FAXDC2: variants seen among roughly 807,000 people sequenced by gnomAD.
FAXDC2 encodes fatty acid hydroxylase domain containing 2, also known as fatty acid hydroxylase domain-containing protein 2.
FAXDC2 carries 41 observed loss-of-function variants against 40.9 expected under a neutral mutation model. The observed-to-expected ratio is 1.00, with a 90% confidence interval of 0.78 to 1.30. The LOEUF (loss-of-function observed/expected upper bound fraction) is 1.30, where lower values mean the gene tolerates loss of function less well. Ranked by LOEUF, FAXDC2 falls within the 50% of genes most tolerant of loss-of-function variation. FAXDC2 has a pLI of 0.00. For synonymous variants in FAXDC2, 157 were observed against 149.3 expected (o/e 1.05, Z -0.38); for missense variants, 390 against 408.8 (o/e 0.95, Z 0.40).
chr5:154,842,885 T>C (rs114961278), intron 1 of FAXDC2, among the ~76,000 whole-genome samples: 1,723 of 149,980 alleles, frequency 0.011, 33 homozygotes, highest in African/African-American at 0.04. Context: ...CTGAGGCTGG[T>C]CTCTAACTCC....
chr5:154,844,986 A>G (rs762583368), intron 1 of FAXDC2, among the ~76,000 whole-genome samples: 3 of 152,198 alleles, frequency 2.0e-5, no homozygotes, highest in Non-Finnish European at 4.4e-5. Flanking sequence ...TGGTGGTGAG[A>G]AGGCTTCTCG....
intron 8 of FAXDC2, chr5:154,820,731 C>T: frequency 2.7e-6 from 1 of 370,316 alleles, no homozygotes; most frequent in Non-Finnish European, 5.1e-6. Context: ...GTCTGAGAAT[C>T]TCTAGCAGAA....
At chr5:154,843,009 A>G (rs1261220216) in intron 1 of FAXDC2, among the ~76,000 whole-genome samples, 1 of 152,146 alleles carries the variant, frequency 6.6e-6, no homozygotes, top group African/African-American at 2.4e-5. Flanking sequence ...GTCAAAAGAA[A>G]CACCTCAACT....
chr5:154,830,718 C>T (rs1239974829), intron 5 of FAXDC2, 83 bp downstream of exon 5: 7 of 1,545,042 alleles, frequency 4.5e-6, no homozygotes, highest in Middle Eastern at 3.4e-4. Flanking sequence ...CCAGGTCTCT[C>T]CTGGGCCAGT....
intron 5 of FAXDC2, among the ~76,000 whole-genome samples, chr5:154,827,421 TTGTG>T (rs10528622): frequency 0.019 from 2,622 of 138,668 alleles, 31 homozygotes; most frequent in East Asian, 0.053. Context: ...TTCTGTTATT[TTGTG>T]TGTGTGTGTG....
rs183714989 is a variant in FAXDC2, at chr5:154,820,488, C to T, written c.846-16G>A. The T allele has an allele frequency of 2.5e-4, 401 of 1,598,854 alleles. 3 individuals carry two copies. In the African/African-American group the frequency reaches 3.8e-3, roughly 15 times the overall value. On this transcript the variant is annotated splice_polypyrimidine_tract_variant and intron_variant, in intron 8 of 8. Transcript: ENST00000326080. ...CTGGTTGAACCTAGAAGAGAGAGGA[C>T]GGCACTGCAGTGCCCATGCTGGAGG...
intron 8 of FAXDC2, 126 bp from the exon 9 acceptor site, chr5:154,820,598 C>T: frequency 1.4e-6 from 1 of 705,950 alleles, no homozygotes; most frequent in East Asian, 3.1e-5. Context: ...CCATCCTGAC[C>T]ATCTGCATCA....
chr5:154,838,131 C>T lies in FAXDC2; in HGVS notation c.48G>A (p.Gln16=), dbSNP rs747557330. The part of the protein sequence containing the change: ...GHMLHNEKSK[Q]EGHIWGSMRR... ...TTGGGGGCAAGGTGCTGGCATTTACCTGCTTTGACTTTTCATTGTGTAGCA... is the reference window on the plus strand; with the variant it reads ...TTGGGGGCAAGGTGCTGGCATTTACTTGCTTTGACTTTTCATTGTGTAGCA... The change falls in exon 2 of 9, where the codon CAG becomes CAA. Residue 16 remains glutamine (Q), a splice_region_variant and synonymous_variant. Coordinates refer to ENST00000326080, the MANE Select transcript of FAXDC2 (RefSeq NM_032385.5). 1.9e-6 allele frequency: 3 copies of T among 1,610,660 alleles called. No homozygotes were observed. The highest frequency in any genetic ancestry group is 4.5e-5 in the East Asian group (2 of 44,862).
At chr5:154,841,546 T>C (rs983219730) in intron 1 of FAXDC2, among the ~76,000 whole-genome samples, 2 of 152,132 alleles carry the variant, frequency 1.3e-5, no homozygotes, top group African/African-American at 4.8e-5. Context: ...ACAGACATTA[T>C]TTAATAAATT....
At chr5:154,837,721 G>A (rs1760386146) in intron 2 of FAXDC2, among the ~76,000 whole-genome samples, 1 of 152,142 alleles carries the variant, frequency 6.6e-6, no homozygotes, top group East Asian at 1.9e-4. Flanking sequence ...TCTGTGAAGT[G>A]CAGGAAAACG....
At position 154,820,373 on chromosome 5, in the gene FAXDC2, C is replaced by A. The variant is rs1017789522; in HGVS notation, c.945G>T (p.Leu315=). 6.2e-7 allele frequency: 1 copy of A among 1,613,352 alleles called. No individual in the cohort carries two copies. Among genetic ancestry groups the A allele is most frequent in the Admixed American group, 1.7e-5 (1 of 59,982 alleles). ...QTKAYERHVL[L]LGFTPLSESI... Reference sequence around the variant, plus strand: ...TCTCAGAGAGCGGGGTGAAGCCCAGCAGGAGGACATGTCTCTCGTAGGCCT... The same window carrying A: ...TCTCAGAGAGCGGGGTGAAGCCCAGAAGGAGGACATGTCTCTCGTAGGCCT... Residue 315 remains leucine, a synonymous_variant, in exon 9 of 9, where the codon CTG becomes CTT. Transcript: ENST00000326080.
At chr5:154,828,922 CTTTTTTTT>C (rs374113320) in intron 5 of FAXDC2, among the ~76,000 whole-genome samples, 1 of 132,488 alleles carries the variant, frequency 7.5e-6, no homozygotes, top group African/African-American at 2.8e-5. Flanking sequence ...TTCTTTTTTT[CTTTTTTTT>C]TTTTTTTGAG....
At chr5:154,834,590 C>T (rs1195251491) in intron 4 of FAXDC2, 35 bp downstream of exon 4, 5 of 1,373,960 alleles carry the variant, frequency 3.6e-6, no homozygotes, top group East Asian at 2.3e-5. Flanking sequence ...AATCATGCAC[C>T]CACATGCTAG....
At chr5:154,835,130 GTGTGTT>G in intron 2 of FAXDC2, 196 bp from the exon 3 acceptor site, 1 of 542,646 alleles carries the variant, frequency 1.8e-6, no homozygotes, top group South Asian at 2.3e-5. Context: ...CTGTACATGG[GTGTGTT>G]TATGAAAATT....
chr5:154,823,507 T>C lies in FAXDC2; in HGVS notation c.452A>G (p.Tyr151Cys). ...GTCTCTCCACCATTTGAGGAAGGGA[T>C]AGAGGAAGACCACCATGGGGAAAGA... ...MISFPMVVFLYPFLKWWRDPC... is the reference protein window; with the variant it reads ...MISFPMVVFLCPFLKWWRDPC... The change falls in exon 6 of 9, where the codon TAT becomes TGT. Residue 151 changes from tyrosine to cysteine, a missense_variant. Coordinates refer to ENST00000326080, the MANE Select transcript of FAXDC2 (RefSeq NM_032385.5). 2.5e-6 allele frequency: 4 copies of C among 1,614,082 alleles called. No homozygotes were observed. The highest frequency in any genetic ancestry group is 1.3e-5 in the African/African-American group (1 of 75,008).
chr5:154,848,361 C>A (rs2113177019), intron 1 of FAXDC2, among the ~76,000 whole-genome samples: 1 of 152,306 alleles, frequency 6.6e-6, no homozygotes, highest in Non-Finnish European at 1.5e-5. Context: ...CTGGCAAAAT[C>A]TAGGCTTCTT....
chr5:154,827,335 A>G (rs567768852), intron 5 of FAXDC2, among the ~76,000 whole-genome samples: 11 of 151,788 alleles, frequency 7.2e-5, no homozygotes, highest in South Asian at 6.3e-4. Flanking sequence ...CAAAACCCAA[A>G]TAAGAGTGGA....
At position 154,823,461 on chromosome 5, in the gene FAXDC2, G is replaced by T; in HGVS notation, c.498C>A (p.Pro166=). ...WWRDPCRREL[P]TFHWFLLELA... Reference sequence around the variant, plus strand: ...GCTCCAGGAGGAACCAGTGGAAGGTGGGTAGCTCACGGCGGCAGGGGTCTC... The same window carrying T: ...GCTCCAGGAGGAACCAGTGGAAGGTTGGTAGCTCACGGCGGCAGGGGTCTC... Residue 166 remains proline, a synonymous_variant, in exon 6 of 9, where the codon CCC becomes CCA. Transcript: ENST00000326080. The T allele has an allele frequency of 1.2e-6, 2 of 1,614,210 alleles. No homozygotes were observed. Among genetic ancestry groups the T allele is most frequent in the Non-Finnish European group, 1.7e-6 (2 of 1,180,042 alleles).
intron 4 of FAXDC2, 145 bp from the exon 5 acceptor site, chr5:154,831,067 T>C: frequency 1.1e-6 from 1 of 872,618 alleles, no homozygotes; most frequent in Non-Finnish European, 1.7e-6. Flanking sequence ...ACCAAGGGGT[T>C]ACCTGTAGTC....
Sources: gnomAD v4.1 joint callset for allele counts (sites outside exome capture counted in the v4.1 genomes callset) on GRCh38, gnomAD v4.1.1 for gene constraint, MANE v1.5 for transcripts, NCBI Gene and HGNC (gene_info 2026-07-23, HGNC 2026-07-21) for gene names.